Variants in PITPNC1 observed in about 807,000 individuals in gnomAD.
PITPNC1 encodes phosphatidylinositol transfer protein cytoplasmic 1.
In PITPNC1, 18 loss-of-function variants were observed where a neutral mutation model predicts 44.7. The ratio of observed to expected loss-of-function variants is 0.40; its 90% confidence interval spans 0.28 to 0.60. The LOEUF (loss-of-function observed/expected upper bound fraction) is 0.60, where lower values mean the gene tolerates loss of function less well. Ranked by LOEUF, PITPNC1 falls within the 20% of genes least tolerant of loss-of-function variation. The probability of loss-of-function intolerance (pLI) is 0.39; values close to 1 mark genes in which losing one functional copy is unlikely to be tolerated. For synonymous variants in PITPNC1, 141 were observed against 149.6 expected, an observed-to-expected ratio of 0.94 and a Z score of 0.42; for missense variants, 290 against 418.4, an observed-to-expected ratio of 0.69 and a Z score of 2.68.
intron 1 of PITPNC1, among the ~76,000 whole-genome samples, chr17:67,397,831 C>T (rs1265515213): frequency 2.6e-5 from 4 of 152,312 alleles, no homozygotes; most frequent in Admixed American, 6.5e-5. Flanking sequence ...CGGTGGCTCA[C>T]GCCTGTAATC....
chr17:67,502,918 C>T lies in PITPNC1; in HGVS notation c.49-29884C>T, dbSNP rs1382365526. On this transcript the variant is annotated intron_variant, in intron 1 of 8. Coordinates refer to ENST00000581322, the MANE Select transcript of PITPNC1 (RefSeq NM_012417.4). ...AAGCGATTCTCCTGCCTCAGCCTCC[C>T]GAGTAGCTGGGATTACAGGTGCATG... 4.6e-5 allele frequency among the ~76,000 whole-genome samples: 7 copies of T among 152,098 alleles called. No homozygotes were observed. The East Asian group carries it at 1.4e-3, about 29-fold the overall frequency.
chr17:67,609,246 G>A lies in PITPNC1; in HGVS notation c.367-22897G>A, dbSNP rs117862774. Among the ~76,000 whole-genome samples, 257 of 151,066 alleles carry A rather than the reference G, an allele frequency of 1.7e-3. 3 individuals are homozygous for A. Among genetic ancestry groups the A allele is most frequent in the East Asian group, 4.7e-3 (24 of 5,156 alleles). Reference sequence around the variant, plus strand: ...CTGTGTTCATCACAGAGCTGGTGTCGGAGGCCTGGTGGGAGAGTTGGTCAT... The same window carrying A: ...CTGTGTTCATCACAGAGCTGGTGTCAGAGGCCTGGTGGGAGAGTTGGTCAT... On this transcript the variant is annotated intron_variant, in intron 5 of 8. Coordinates refer to ENST00000581322, the MANE Select transcript of PITPNC1 (RefSeq NM_012417.4).
intron 1 of PITPNC1, among the ~76,000 whole-genome samples, chr17:67,389,216 G>T (rs1175991926): frequency 6.6e-6 from 1 of 152,242 alleles, no homozygotes; most frequent in Non-Finnish European, 1.5e-5. Context: ...CAACATGGCA[G>T]TTTGCTCTTG....
At chr17:67,530,057 A>G (rs1035871617) in intron 1 of PITPNC1, among the ~76,000 whole-genome samples, 2 of 149,240 alleles carry the variant, frequency 1.3e-5, no homozygotes, top group African/African-American at 4.9e-5. Context: ...GGGTGAGGGA[A>G]GGATCCGGTT....
At chr17:67,400,005 C>A (rs1419876926) in intron 1 of PITPNC1, among the ~76,000 whole-genome samples, 1 of 152,182 alleles carries the variant, frequency 6.6e-6, no homozygotes, top group African/African-American at 2.4e-5. Flanking sequence ...TGATCTCATG[C>A]AATACGGAGC....
intron 1 of PITPNC1, among the ~76,000 whole-genome samples, chr17:67,403,218 C>CAAAAAAAAAAAAAAAAAAAAAAAA (rs34768084): frequency 4.4e-5 from 3 of 68,962 alleles, no homozygotes; most frequent in African/African-American, 1.6e-4. Flanking sequence ...CTCATCTCTA[C>CAAAAAAAAAAAAAAAAAAAAAAAA]AAAAAAAAAA....
At chr17:67,691,439 CT>C (rs535832086) in intron 8 of PITPNC1, among the ~76,000 whole-genome samples, 185 of 152,074 alleles carry the variant, frequency 1.2e-3, no homozygotes, top group African/African-American at 4.4e-3. Context: ...CCAAGTCATG[CT>C]TTTTTTTCTT....
intron 1 of PITPNC1, among the ~76,000 whole-genome samples, chr17:67,503,755 A>G (rs1390249591): frequency 6.6e-6 from 1 of 152,138 alleles, no homozygotes; most frequent in Non-Finnish European, 1.5e-5. Context: ...GGCCTGAAGA[A>G]CATACAATGG....
chr17:67,420,514 C>T lies in PITPNC1; in HGVS notation c.48+42312C>T, dbSNP rs923927775. On this transcript the variant is annotated intron_variant, in intron 1 of 8. Coordinates refer to ENST00000581322, the MANE Select transcript of PITPNC1 (RefSeq NM_012417.4). ...GTGGCGCTATCTCGGCTCACTGCAA[C>T]CTCCACCTCCTTGGGTCAAGCGAGC... Among the ~76,000 whole-genome samples the T allele has an allele frequency of 3.8e-4, 58 of 151,964 alleles. 1 individual carries two copies. The highest frequency in any genetic ancestry group is 7.1e-4 in the Non-Finnish European group (48 of 67,960).
At chr17:67,645,233 C>T (rs922916090) in intron 6 of PITPNC1, among the ~76,000 whole-genome samples, 2 of 150,616 alleles carry the variant, frequency 1.3e-5, no homozygotes, top group African/African-American at 2.4e-5. Flanking sequence ...CCCAGCTACT[C>T]GGGAGCCTGA....
intron 8 of PITPNC1, among the ~76,000 whole-genome samples, chr17:67,686,767 G>A (rs902154812): frequency 2.6e-5 from 4 of 152,182 alleles, no homozygotes; most frequent in African/African-American, 9.7e-5. Flanking sequence ...GGAGATCTCA[G>A]GCTATGGTAC....
intron 2 of PITPNC1, among the ~76,000 whole-genome samples, chr17:67,541,230 A>T (rs866844657): frequency 6.6e-6 from 1 of 152,016 alleles, no homozygotes; most frequent in African/African-American, 2.4e-5. Context: ...ATAATAATAA[A>T]AATAAAAATA....
intron 2 of PITPNC1, among the ~76,000 whole-genome samples, chr17:67,540,672 G>T (rs755719815): frequency 6.6e-6 from 1 of 152,168 alleles, no homozygotes; most frequent in East Asian, 1.9e-4. Context: ...GTGGAGAAAT[G>T]AAACCTGGTT....
At chr17:67,559,404 G>T (rs1273836828) in intron 4 of PITPNC1, among the ~76,000 whole-genome samples, 1 of 152,208 alleles carries the variant, frequency 6.6e-6, no homozygotes, top group Non-Finnish European at 1.5e-5. Flanking sequence ...AGGAGTTAGC[G>T]GGTTAGGAAA....
intron 5 of PITPNC1, among the ~76,000 whole-genome samples, chr17:67,609,238 C>G (rs1287161069): frequency 1.3e-5 from 2 of 150,328 alleles, no homozygotes; most frequent in Non-Finnish European, 1.5e-5. Context: ...CATCACAGAG[C>G]TGGTGTCGGA....
At chr17:67,513,257 G>A (rs1019850499) in intron 1 of PITPNC1, among the ~76,000 whole-genome samples, 3 of 151,584 alleles carry the variant, frequency 2.0e-5, no homozygotes, top group Admixed American at 6.6e-5. Flanking sequence ...CCAGCTACTC[G>A]GGAGGCTAAG....
At chr17:67,626,661 G>A (rs779900825) in intron 5 of PITPNC1, among the ~76,000 whole-genome samples, 1 of 152,096 alleles carries the variant, frequency 6.6e-6, no homozygotes, top group Non-Finnish European at 1.5e-5. Context: ...GAGCCACCAT[G>A]CCCGGCCAGA....
intron 1 of PITPNC1, among the ~76,000 whole-genome samples, chr17:67,466,939 G>T (rs937917482): frequency 2.6e-5 from 4 of 152,050 alleles, no homozygotes; most frequent in Admixed American, 2.0e-4. Context: ...TATTAACAGG[G>T]CTTTGACTGT....
At chr17:67,495,338 A>G (rs12600395) in intron 1 of PITPNC1, among the ~76,000 whole-genome samples, 118,581 of 151,860 alleles carry the variant, frequency 0.78, 46,358 homozygotes, top group Middle Eastern at 0.86. Context: ...GATTACAGGC[A>G]TGAGCCACCG....
Sources: gnomAD v4.1 joint callset for allele counts (sites outside exome capture counted in the v4.1 genomes callset) on GRCh38, gnomAD v4.1.1 for gene constraint, MANE v1.5 for transcripts, NCBI Gene and HGNC (gene_info 2026-07-23, HGNC 2026-07-21) for gene names.